Variants in UBE3D observed in about 807,000 individuals in gnomAD.
UBE3D encodes the protein ubiquitin protein ligase E3D.
UBE3D carries 48 observed loss-of-function variants against 49.6 expected under a neutral mutation model. The observed-to-expected ratio is 0.97, with a 90% CI of 0.77 to 1.23. The LOEUF (loss-of-function observed/expected upper bound fraction) is 1.23. UBE3D is among the 50% of genes most tolerant of loss of function. UBE3D has a pLI of 0.00. For synonymous variants in UBE3D, 189 were observed against 174.2 expected, an observed-to-expected ratio of 1.08 and a Z score of -0.67; for missense variants, 452 against 468.4, an observed-to-expected ratio of 0.96 and a Z score of 0.32.
rs9449565 is a variant in UBE3D at position 82,970,818 on chromosome 6, G to A, written c.1011-13368C>T. ...CACGCCACTGCACTCCAGCCTGGGT[G>A]ACAGAGCAAGACTCTGTCTCAAAAC... On this transcript the variant is annotated intron_variant, in intron 8 of 9. Coordinates refer to ENST00000369747, the MANE Select transcript of UBE3D (RefSeq NM_198920.3). Among the ~76,000 whole-genome samples, 544 of 152,134 alleles carry A rather than the reference G, an allele frequency of 3.6e-3. 4 individuals are homozygous for A. The highest frequency in any genetic ancestry group is 0.013 in the African/African-American group (526 of 41,486).
chr6:83,047,497 C>T (rs185554611), intron 3 of UBE3D, among the ~76,000 whole-genome samples: 1 of 152,190 alleles, frequency 6.6e-6, no homozygotes, highest in Admixed American at 6.5e-5. Flanking sequence ...GGCTTTGTAC[C>T]TGGAACTACG....
intron 7 of UBE3D, among the ~76,000 whole-genome samples, chr6:83,020,793 C>T (rs1292134215): frequency 6.6e-6 from 1 of 152,152 alleles, no homozygotes; most frequent in Non-Finnish European, 1.5e-5. Flanking sequence ...ACTTCAGGCC[C>T]TTCCCTCCTT....
At chr6:82,962,310 T>C (rs1185124576) in intron 8 of UBE3D, among the ~76,000 whole-genome samples, 2 of 152,202 alleles carry the variant, frequency 1.3e-5, no homozygotes, top group Non-Finnish European at 2.9e-5. Context: ...TGCTGCTAAA[T>C]GGCTATGGTA....
chr6:82,891,592 C>A (rs977393777), downstream of UBE3D, among the ~76,000 whole-genome samples: 1 of 152,150 alleles, frequency 6.6e-6, no homozygotes, highest in Non-Finnish European at 1.5e-5. Flanking sequence ...GGTATTATTC[C>A]TATGTCAGTC....
intron 9 of UBE3D, among the ~76,000 whole-genome samples, chr6:82,924,290 A>T (rs1773583052): frequency 6.6e-6 from 1 of 152,192 alleles, no homozygotes; most frequent in Non-Finnish European, 1.5e-5. Context: ...TACTTGGATG[A>T]AATATAGGTT....
In UBE3D at chr6:82,938,841, A is replaced by G. The variant is rs1774789140; in HGVS notation, c.1149+18471T>C. Among the ~76,000 whole-genome samples the G allele has an allele frequency of 5.3e-5, 8 of 152,138 alleles. No individual in the cohort carries two copies. The South Asian group carries it at 1.7e-3, about 31-fold the overall frequency. Reference sequence around the variant, plus strand: ...AGGACTCCGATTTCTTAGATCACTAAGAAATCTAAATTTTAAACAAGCTTC... The same window carrying G: ...AGGACTCCGATTTCTTAGATCACTAGGAAATCTAAATTTTAAACAAGCTTC... On this transcript the variant is annotated intron_variant, in intron 9 of 9. Transcript: ENST00000369747.
chr6:83,007,966 A>G (rs576461823), intron 8 of UBE3D, among the ~76,000 whole-genome samples: 1 of 152,182 alleles, frequency 6.6e-6, no homozygotes, highest in South Asian at 2.1e-4. Context: ...AAAATATAAG[A>G]AAAAAGAAAT....
intron 8 of UBE3D, among the ~76,000 whole-genome samples, chr6:82,991,338 G>T (rs1022134131): frequency 6.6e-6 from 1 of 152,084 alleles, no homozygotes; most frequent in Non-Finnish European, 1.5e-5. Context: ...ATACCTCCAA[G>T]GAACTCAATG....
chr6:82,883,989 A>C, the UBE3D span, among the ~76,000 whole-genome samples: 1 of 152,194 alleles, frequency 6.6e-6, no homozygotes, highest in African/African-American at 2.4e-5. Context: ...ATAATTCTGC[A>C]CTTGGGTTTG....
rs188002473 is a variant in UBE3D at position 82,937,993 on chromosome 6, G to A, written c.1149+19319C>T. ...GGAGAGCACACGGGCGTGTGCGCGC[G>A]CACACACACACACAACAACCCTATG... On this transcript the variant is annotated intron_variant, in intron 9 of 9. Coordinates refer to ENST00000369747, the MANE Select transcript of UBE3D (RefSeq NM_198920.3). Among the ~76,000 whole-genome samples the A allele has an allele frequency of 2.4e-3, 357 of 151,680 alleles. 2 individuals are homozygous for A. Among genetic ancestry groups the A allele is most frequent in the African/African-American group, 8.0e-3 (332 of 41,378 alleles).
At chr6:83,039,585 GGGAACCAATTCAT>G (rs1782504277) in intron 4 of UBE3D, among the ~76,000 whole-genome samples, 1 of 152,010 alleles carries the variant, frequency 6.6e-6, no homozygotes, top group African/African-American at 2.4e-5. Context: ...CCCCATTAGT[GGGAACCAATTCAT>G]GGAACCAATT....
chr6:83,005,661 G>C (rs1432470755), intron 8 of UBE3D, among the ~76,000 whole-genome samples: 1 of 151,238 alleles, frequency 6.6e-6, no homozygotes, highest in African/African-American at 2.4e-5. Flanking sequence ...ATTGCAAACA[G>C]GGCCTCAAAG....
rs368462002 is a variant in UBE3D, at chr6:83,024,750, G to A, written c.668-712C>T. Among the ~76,000 whole-genome samples the A allele has an allele frequency of 7.9e-5, 12 of 152,258 alleles. No individual in the cohort carries two copies. In the East Asian group the frequency reaches 1.9e-3, roughly 25 times the overall value. ...GTGTCCAGCAGTCCCTAAAAGGTGT[G>A]ATTATTTCCTTTTCCCCAGTGCGCA... On this transcript the variant is annotated intron_variant, in intron 5 of 9. Transcript: ENST00000369747.
chr6:83,018,914 C>A lies in UBE3D; in HGVS notation c.1010+59G>T, dbSNP rs1780879668. 4 of 1,590,146 alleles carry A rather than the reference C, an allele frequency of 2.5e-6. No homozygotes were observed. In the African/African-American group the frequency reaches 4.1e-5, roughly 16 times the overall value. ...ATTTAATTCATTAATTTCTTAACAC[C>A]AACATGACAACAAAAGCTAAAACAT... On this transcript the variant is annotated intron_variant, in intron 8 of 9. Transcript: ENST00000369747.
chr6:82,917,477 A>T (rs1773004414), intron 9 of UBE3D, among the ~76,000 whole-genome samples: 1 of 152,202 alleles, frequency 6.6e-6, no homozygotes, highest in African/African-American at 2.4e-5. Context: ...GTCAGAAGGT[A>T]GCTAGCTACA....
rs761634249 is a variant in UBE3D, at chr6:82,957,457, C to T, written c.1011-7G>A. ...TTCCCACAAGCTGACAAGTCTGGAA[C>T]ACACCAACACATTAACTTTCAAAAA... is the stretch of plus-strand genomic sequence containing the variant. On this transcript the variant is annotated splice_region_variant and splice_polypyrimidine_tract_variant and intron_variant, in intron 8 of 9. Transcript: ENST00000369747. 6.2e-7 allele frequency: 1 copy of T among 1,601,084 alleles called. No individual in the cohort carries two copies. The highest frequency in any genetic ancestry group is 1.8e-5 in the Admixed American group (1 of 56,456).
At chr6:82,982,513 T>C (rs1778182017) in intron 8 of UBE3D, among the ~76,000 whole-genome samples, 1 of 152,192 alleles carries the variant, frequency 6.6e-6, no homozygotes, top group African/African-American at 2.4e-5. Flanking sequence ...ACCAAGTTGA[T>C]TGACCTATAA....
chr6:83,019,950 G>A (rs1356800738), intron 7 of UBE3D, among the ~76,000 whole-genome samples: 1 of 152,324 alleles, frequency 6.6e-6, no homozygotes, highest in Admixed American at 6.5e-5. Context: ...GTCATCTAAA[G>A]AGGAAGTCTG....
chr6:82,900,106 G>C (rs1771620344), intron 9 of UBE3D, among the ~76,000 whole-genome samples: 1 of 152,180 alleles, frequency 6.6e-6, no homozygotes, highest in African/African-American at 2.4e-5. Context: ...GAAGGGAACA[G>C]TGGCACTGCT....
Sources: gnomAD v4.1 joint callset for allele counts (sites outside exome capture counted in the v4.1 genomes callset) on GRCh38, gnomAD v4.1.1 for gene constraint, MANE v1.5 for transcripts, NCBI Gene and HGNC (gene_info 2026-07-23, HGNC 2026-07-21) for gene names.